The following SAXO1 variants were observed in gnomAD, a reference collection of about 807,000 sequenced individuals.
The protein encoded by SAXO1 is stabilizer of axonemal microtubules 1, also known as 4930500O09Rik.
SAXO1 carries 21 observed loss-of-function variants against 17.5 expected under a neutral mutation model. That is an observed-to-expected ratio of 1.20 (90% CI 0.85 to 1.72). The LOEUF (loss-of-function observed/expected upper bound fraction) is 1.72. SAXO1 is among the 40% of genes most tolerant of loss of function. The pLI is 0.00. For synonymous variants in SAXO1, 274 were observed against 216.5 expected (o/e 1.27, Z -2.33); for missense variants, 843 against 596.0 (o/e 1.41, Z -4.32).
intron 1 of SAXO1, among the ~76,000 whole-genome samples, chr9:19,020,724 T>C (rs537584307): frequency 2.0e-5 from 3 of 152,342 alleles, no homozygotes; most frequent in East Asian, 1.9e-4. Context: ...CTTTGTGTTC[T>C]CAGCACACTT....
chr9:18,974,777 A>G (rs980607035), intron 1 of SAXO1, among the ~76,000 whole-genome samples: 4 of 152,206 alleles, frequency 2.6e-5, no homozygotes, highest in African/African-American at 9.7e-5. Context: ...ATGTAGAGGA[A>G]ATGATGAAAA....
chr9:18,957,862 G>A (rs1253810361), intron 1 of SAXO1, among the ~76,000 whole-genome samples: 2 of 152,184 alleles, frequency 1.3e-5, no homozygotes, highest in African/African-American at 4.8e-5. Flanking sequence ...TTTACCTGCA[G>A]TGGTTTATAA....
chr9:19,042,622 G>A (rs1836103707), intron 1 of SAXO1, among the ~76,000 whole-genome samples: 1 of 151,014 alleles, frequency 6.6e-6, no homozygotes, highest in East Asian at 2.0e-4. Context: ...CAGCACTTTG[G>A]GAGGCCAAGG....
At chr9:18,982,084 T>C (rs1368932526) in intron 1 of SAXO1, among the ~76,000 whole-genome samples, 3 of 152,160 alleles carry the variant, frequency 2.0e-5, no homozygotes, top group Non-Finnish European at 1.5e-5. Flanking sequence ...CCCTCCATTC[T>C]GAGAACCTTA....
intron 1 of SAXO1, among the ~76,000 whole-genome samples, chr9:19,026,365 G>A (rs1193292731): frequency 6.6e-6 from 1 of 152,148 alleles, no homozygotes; most frequent in Non-Finnish European, 1.5e-5. Flanking sequence ...AATTGTGCCT[G>A]AAGCTTAACA....
At chr9:19,028,868 G>C (rs1471048940) in intron 1 of SAXO1, among the ~76,000 whole-genome samples, 1 of 152,112 alleles carries the variant, frequency 6.6e-6, no homozygotes, top group Non-Finnish European at 1.5e-5. Flanking sequence ...ACTCTGAAAG[G>C]CGTACCACTT....
chr9:19,047,315 G>C (rs1836240647), intron 1 of SAXO1, among the ~76,000 whole-genome samples: 2 of 152,164 alleles, frequency 1.3e-5, no homozygotes, highest in Non-Finnish European at 2.9e-5. Context: ...AGTGAGCCAA[G>C]ATCGTGCAAC....
intron 1 of SAXO1, among the ~76,000 whole-genome samples, chr9:18,996,214 T>A (rs771528904): frequency 6.6e-6 from 1 of 152,258 alleles, no homozygotes; most frequent in African/African-American, 2.4e-5. Context: ...ACTTGCTTTA[T>A]CAATCCCCTT....
Position 18,944,004 on chromosome 9 carries a change from C to T in SAXO1, c.219-2165G>A, listed in dbSNP as rs575425504. Among the ~76,000 whole-genome samples, 12 of 152,304 alleles carry T rather than the reference C, an allele frequency of 7.9e-5. No individual in the cohort carries two copies. In the East Asian group the frequency reaches 1.5e-3, roughly 20 times the overall value. On this transcript the variant is annotated intron_variant, in intron 2 of 3. Transcript: ENST00000380534. The stretch of plus-strand genomic sequence containing the variant: ...CTTGAAAACTAAAGCACGCTTATTG[C>T]GCATCTCCCACGGCTTCTACCGGAA...
intron 1 of SAXO1, among the ~76,000 whole-genome samples, chr9:18,995,691 G>T (rs1833971729): frequency 6.6e-6 from 1 of 152,070 alleles, no homozygotes; most frequent in Non-Finnish European, 1.5e-5. Context: ...AATAATTCAG[G>T]TTTAGAAACC....
At chr9:19,045,939 T>C in intron 1 of SAXO1, among the ~76,000 whole-genome samples, 1 of 152,062 alleles carries the variant, frequency 6.6e-6, no homozygotes, top group East Asian at 1.9e-4. Flanking sequence ...AATACAAAAG[T>C]AGCCGGGCCT....
chr9:18,930,897 C>T (rs1831017693), intron 3 of SAXO1, among the ~76,000 whole-genome samples: 2 of 152,118 alleles, frequency 1.3e-5, no homozygotes, highest in African/African-American at 4.8e-5. Context: ...CCTAGTGAGC[C>T]CTCTGAATCT....
intron 1 of SAXO1, among the ~76,000 whole-genome samples, chr9:19,004,468 A>G (rs574156635): frequency 6.4e-4 from 98 of 152,368 alleles, no homozygotes; most frequent in African/African-American, 2.1e-3. Flanking sequence ...AACCAACCCA[A>G]ATGTCCATCA....
chr9:19,013,163 T>C (rs980629430), intron 1 of SAXO1, among the ~76,000 whole-genome samples: 6 of 151,774 alleles, frequency 4.0e-5, no homozygotes, highest in Admixed American at 3.9e-4. Context: ...AAAGACTAAA[T>C]ACACTTGATC....
chr9:18,933,346 C>A (rs899571884), intron 3 of SAXO1, among the ~76,000 whole-genome samples: 6 of 151,732 alleles, frequency 4.0e-5, no homozygotes, highest in African/African-American at 1.5e-4. Flanking sequence ...ACTTTGAATT[C>A]CCAGAATAAA....
chr9:18,941,880 G>C (rs775794675), intron 2 of SAXO1, 41 bp from the exon 3 acceptor site: 1 of 1,586,086 alleles, frequency 6.3e-7, no homozygotes, highest in Non-Finnish European at 8.7e-7. Context: ...TCCTTGGCTT[G>C]CGATAAGGCT....
chr9:18,933,736 G>T (rs1440093647), intron 3 of SAXO1, among the ~76,000 whole-genome samples: 1 of 152,168 alleles, frequency 6.6e-6, no homozygotes. Context: ...TTTCTGAAGA[G>T]AACTTAGCCA....
In SAXO1 at chr9:18,941,858, A is replaced by T; in HGVS notation, c.219-19T>A. 1 of 1,613,326 alleles carries T rather than the reference A, an allele frequency of 6.2e-7. No individual in the cohort carries two copies. The highest frequency in any genetic ancestry group is 1.7e-5 in the Admixed American group (1 of 60,020). On this transcript the variant is annotated intron_variant, in intron 2 of 3. Transcript: ENST00000380534. ...ATCTCTCCTGTAAGGAAGCAAGTGC[A>T]TGCTGTTGGGGTCCTTGGCTTGCGA... is the stretch of plus-strand genomic sequence containing the variant.
At position 18,928,366 on chromosome 9, in the gene SAXO1, G is replaced by C. The variant is rs914274537; in HGVS notation, c.1111C>G (p.Leu371Val). 2.5e-6 allele frequency: 4 copies of C among 1,613,184 alleles called. No homozygotes were observed. The highest frequency in any genetic ancestry group is 2.5e-6 in the Non-Finnish European group (3 of 1,179,678). ...ACATAGTGGGCCCGAGTGGTGGTCA[G>C]GCAGTCCAGGGGCTCGGTGGGCAAG... ...LDLPTEPLDC[L>V]TTTRAHYVPH... is the part of the protein sequence containing the mutation. Residue 371 changes from leucine (L) to valine (V), a missense_variant, in exon 4 of 4, where the codon CTG becomes GTG. Transcript: ENST00000380534.
Sources: allele counts gnomAD v4.1 joint callset (sites outside exome capture counted in the v4.1 genomes callset), GRCh38; gene constraint gnomAD v4.1.1; transcripts MANE v1.5; gene names NCBI Gene and HGNC (gene_info 2026-07-23, HGNC 2026-07-21).